The following CA8 variants were observed in gnomAD, a reference collection of about 807,000 sequenced individuals.
CA8 encodes carbonic anhydrase 8 (inactive), also known as carbonic anhydrase-related protein.
CA8 carries 22 observed loss-of-function variants against 41.4 expected under a neutral mutation model. The observed-to-expected ratio is 0.53, with a 90% CI of 0.38 to 0.76. CA8 has a LOEUF of 0.76. Ranked by LOEUF, CA8 falls within the 30% of genes least tolerant of loss-of-function variation. The probability of loss-of-function intolerance (pLI) is 0.00; values close to 1 mark genes in which losing one functional copy is unlikely to be tolerated. For synonymous variants in CA8, 121 were observed against 130.6 expected (o/e 0.93, Z 0.50); for missense variants, 270 against 352.8 (o/e 0.77, Z 1.88).
intron 3 of CA8, among the ~76,000 whole-genome samples, chr8:60,242,186 G>A (rs1808051961): frequency 6.6e-6 from 1 of 152,214 alleles, no homozygotes; most frequent in Admixed American, 6.5e-5. Context: ...CAATCGAAAT[G>A]TTAAAGGATG....
chr8:60,230,334 A>G (rs1807598984), intron 4 of CA8, among the ~76,000 whole-genome samples: 1 of 152,124 alleles, frequency 6.6e-6, no homozygotes, highest in African/African-American at 2.4e-5. Context: ...CTCTCTTTCC[A>G]GTATTTTTAA....
At chr8:60,259,292 T>C (rs1217307052) in intron 3 of CA8, among the ~76,000 whole-genome samples, 1 of 152,250 alleles carries the variant, frequency 6.6e-6, no homozygotes, top group African/African-American at 2.4e-5. Context: ...AAATATTTTC[T>C]ACTGCAGTAT....
At chr8:60,205,230 C>T (rs1187859475) in intron 8 of CA8, among the ~76,000 whole-genome samples, 1 of 152,034 alleles carries the variant, frequency 6.6e-6, no homozygotes, top group African/African-American at 2.4e-5. Flanking sequence ...AACTAAAGAG[C>T]CGTGTGACAT....
intron 3 of CA8, among the ~76,000 whole-genome samples, chr8:60,240,664 G>GA (rs80235561): frequency 0.036 from 5,426 of 152,144 alleles, 164 homozygotes; most frequent in South Asian, 0.13. Flanking sequence ...TTCACAGAGG[G>GA]AAAAAATCAT....
chr8:60,266,015 T>G lies in CA8; in HGVS notation c.327A>C (p.Glu109Asp), dbSNP rs7464181. ...GAAATCTCACTTCGTACAGTTCAAA[T>G]TCATGCCCTTGAGGCAATGGTCCTC... ...LSGGPLPQGH[E>D]FELYEVRFHW... The change falls in exon 3 of 9, where the codon GAA (glutamate) becomes GAC (aspartate). Residue 109 changes from glutamate (E) to aspartate (D), a missense_variant. By Grantham distance (45) the Glu-to-Asp change is conservative. Transcript: ENST00000317995. 1 of 1,613,346 alleles carries G rather than the reference T, an allele frequency of 6.2e-7. No homozygotes were observed. Among genetic ancestry groups the G allele is most frequent in the South Asian group, 1.1e-5 (1 of 91,064 alleles).
intron 8 of CA8, among the ~76,000 whole-genome samples, chr8:60,199,567 C>T (rs1806366382): frequency 1.3e-5 from 2 of 152,036 alleles, no homozygotes; most frequent in South Asian, 4.1e-4. Flanking sequence ...GAGAACAGAC[C>T]CATCTGAAAC....
rs191375824 is a variant in CA8, at chr8:60,276,947, C to T, written c.292+2742G>A. Among the ~76,000 whole-genome samples the T allele has an allele frequency of 1.1e-4, 17 of 151,998 alleles. No homozygotes were observed. In the East Asian group the frequency reaches 2.5e-3, roughly 23 times the overall value. ...CAGCCTGACCAACATGGTGAAACCT[C>T]GTCTCTACTAAAAATACAAAAATTA... On this transcript the variant is annotated intron_variant, in intron 2 of 8. Coordinates refer to ENST00000317995, the MANE Select transcript of CA8 (RefSeq NM_004056.6).
At chr8:60,215,084 C>T (rs1490605799) in intron 7 of CA8, among the ~76,000 whole-genome samples, 1 of 152,132 alleles carries the variant, frequency 6.6e-6, no homozygotes, top group Non-Finnish European at 1.5e-5. Flanking sequence ...ACAGATGGCA[C>T]TATACCATAA....
Position 60,253,916 on chromosome 8 carries a change from T to C in CA8, c.417+12009A>G, listed in dbSNP as rs543370323. 5.9e-5 allele frequency among the ~76,000 whole-genome samples: 9 copies of C among 152,292 alleles called. No homozygotes were observed. In the East Asian group the frequency reaches 9.7e-4, roughly 16 times the overall value. On this transcript the variant is annotated intron_variant, in intron 3 of 8. Coordinates refer to ENST00000317995, the MANE Select transcript of CA8 (RefSeq NM_004056.6). ...CCCATTCCCTAGGGCTTTTTTCATA[T>C]ATAGTAGCCACAGTAGCTTTTGAAT...
intron 3 of CA8, among the ~76,000 whole-genome samples, chr8:60,253,242 TAAATAAAAATAAAA>T (rs1808512380): frequency 1.3e-5 from 2 of 151,812 alleles, no homozygotes; most frequent in Non-Finnish European, 2.9e-5. Context: ...CTCAAAAAAA[TAAATAAAAATAAAA>T]ACAATATGGA....
chr8:60,261,585 C>T (rs1368894381), intron 3 of CA8, among the ~76,000 whole-genome samples: 2 of 152,150 alleles, frequency 1.3e-5, no homozygotes, highest in Non-Finnish European at 2.9e-5. Context: ...TTTTAAAAAC[C>T]TAAATCTATC....
Position 60,279,888 on chromosome 8 carries a change from C to A in CA8, c.101-8G>T. On this transcript the variant is annotated splice_region_variant and splice_polypyrimidine_tract_variant and intron_variant, in intron 1 of 8. Coordinates refer to ENST00000317995, the MANE Select transcript of CA8 (RefSeq NM_004056.6). ...CCAGACCCCACTCAACACCTAAGAA[C>A]AAAATGAAATAAATTAAAAACAGGT... 1 of 1,598,108 alleles carries A rather than the reference C, an allele frequency of 6.3e-7. No homozygotes were observed. Among genetic ancestry groups the A allele is most frequent in the Non-Finnish European group, 8.5e-7 (1 of 1,171,810 alleles).
At chr8:60,272,889 G>T (rs1287042844) in intron 2 of CA8, among the ~76,000 whole-genome samples, 1 of 152,200 alleles carries the variant, frequency 6.6e-6, no homozygotes, top group Non-Finnish European at 1.5e-5. Flanking sequence ...TAGTTCACAG[G>T]TGCACATCTC....
At chr8:60,271,347 G>C (rs921636125) in intron 2 of CA8, among the ~76,000 whole-genome samples, 1 of 151,772 alleles carries the variant, frequency 6.6e-6, no homozygotes, top group African/African-American at 2.4e-5. Flanking sequence ...AAAGAAAGAA[G>C]AGAGACAGAG....
chr8:60,281,042 A>G lies in CA8; in HGVS notation c.100+6T>C. 1 of 1,606,092 alleles carries G rather than the reference A, an allele frequency of 6.2e-7. No homozygotes were observed. The highest frequency in any genetic ancestry group is 8.5e-7 in the Non-Finnish European group (1 of 1,175,444). On this transcript the variant is annotated splice_donor_region_variant and intron_variant, in intron 1 of 8. Transcript: ENST00000317995. The stretch of plus-strand genomic sequence containing the variant: ...ACCCCGGACACCCCGACTCGCGGCC[A>G]CTTACCTTCCTCGTAGCCCCACTCC...
intron 7 of CA8, among the ~76,000 whole-genome samples, chr8:60,220,058 C>T (rs995319893): frequency 6.6e-6 from 1 of 151,728 alleles, no homozygotes; most frequent in Non-Finnish European, 1.5e-5. Flanking sequence ...CTTGGTCCCT[C>T]TACATTCAGC....
At chr8:60,217,482 C>T (rs1330396842) in intron 7 of CA8, among the ~76,000 whole-genome samples, 3 of 152,308 alleles carry the variant, frequency 2.0e-5, no homozygotes, top group African/African-American at 7.2e-5. Flanking sequence ...CCTGGGGACA[C>T]TCTTACAGTG....
intron 1 of CA8, 63 bp downstream of exon 1, chr8:60,280,985 C>T (rs2130643866): frequency 2.4e-6 from 3 of 1,250,122 alleles, no homozygotes; most frequent in South Asian, 2.4e-5. Flanking sequence ...ACTCGAGTCC[C>T]GCGCTCGGCG....
intron 8 of CA8, among the ~76,000 whole-genome samples, chr8:60,205,231 C>T (rs913678583): frequency 5.3e-5 from 8 of 152,030 alleles, no homozygotes; most frequent in African/African-American, 1.9e-4. Flanking sequence ...ACTAAAGAGC[C>T]GTGTGACATT....
Sources: gnomAD v4.1 joint callset for allele counts (sites outside exome capture counted in the v4.1 genomes callset) on GRCh38, gnomAD v4.1.1 for gene constraint, MANE v1.5 for transcripts, NCBI Gene and HGNC (gene_info 2026-07-23, HGNC 2026-07-21) for gene names.